Variants in EHBP1 observed in about 807,000 individuals in gnomAD.
EHBP1 encodes the protein EH domain binding protein 1.
EHBP1 carries 55 observed loss-of-function variants against 144.0 expected under a neutral mutation model. The observed-to-expected ratio is 0.38, with a 90% CI of 0.31 to 0.48. The LOEUF (loss-of-function observed/expected upper bound fraction) is 0.48, where lower values mean the gene tolerates loss of function less well. Among genes scored for constraint, EHBP1 ranks in the 20% least tolerant of loss-of-function variants. The pLI, the probability that EHBP1 is intolerant of heterozygous loss-of-function variation, is 0.98. For missense variants in EHBP1, 1,200 were observed against 1,364.2 expected (o/e 0.88, Z 1.90); for synonymous variants, 469 against 472.7 (o/e 0.99, Z 0.10).
chr2:62,892,991 T>C (rs1330133501), intron 10 of EHBP1, among the ~76,000 whole-genome samples: 1 of 152,160 alleles, frequency 6.6e-6, no homozygotes. Flanking sequence ...CAGCCTTCAC[T>C]TTGATAAACA....
chr2:62,990,647 A>G, intron 15 of EHBP1, 69 bp from the exon 16 acceptor site: 1 of 1,512,096 alleles, frequency 6.6e-7, no homozygotes, highest in South Asian at 1.2e-5. Context: ...CTGAGCTCAC[A>G]TAAAATTGAC....
At chr2:62,783,294 A>G (rs562588932) in intron 5 of EHBP1, among the ~76,000 whole-genome samples, 3 of 152,074 alleles carry the variant, frequency 2.0e-5, no homozygotes, top group East Asian at 3.9e-4. Context: ...GCACAGTGCA[A>G]CCTCTCAGTG....
At chr2:62,901,007 C>T (rs908920730) in intron 10 of EHBP1, among the ~76,000 whole-genome samples, 1 of 152,108 alleles carries the variant, frequency 6.6e-6, no homozygotes, top group African/African-American at 2.4e-5. Flanking sequence ...CTGTGAAGCT[C>T]ATTTAAAGTC....
intron 19 of EHBP1, among the ~76,000 whole-genome samples, chr2:63,023,330 A>G (rs976333120): frequency 6.6e-6 from 1 of 152,202 alleles, no homozygotes; most frequent in African/African-American, 2.4e-5. Context: ...GATTAATCAA[A>G]ATAGTGTGAT....
In EHBP1 at chr2:62,764,174, A is replaced by G. The variant is rs555700681; in HGVS notation, c.163-92A>G. On this transcript the variant is annotated intron_variant, in intron 3 of 22. Coordinates refer to ENST00000431489, the MANE Select transcript of EHBP1 (RefSeq NM_001142616.3). ...AAATTACTAACATTGCATTTCCTGTACTTCATATTGAAGGTATCATTTTAT... is the reference window on the plus strand; with the variant it reads ...AAATTACTAACATTGCATTTCCTGTGCTTCATATTGAAGGTATCATTTTAT... 6 of 887,404 alleles carry G rather than the reference A, an allele frequency of 6.8e-6. No homozygotes were observed. The East Asian group carries it at 8.6e-5, about 13-fold the overall frequency. 55.0% of individuals were successfully genotyped at this position (887,404 alleles called of 1,614,324 possible).
chr2:62,967,110 A>ATC (rs2058281050), intron 14 of EHBP1, among the ~76,000 whole-genome samples: 1 of 152,138 alleles, frequency 6.6e-6, no homozygotes, highest in Non-Finnish European at 1.5e-5. Flanking sequence ...AAATGCATTG[A>ATC]TCGTGGCATG....
At chr2:62,749,290 C>T (rs1309595665) in intron 3 of EHBP1, among the ~76,000 whole-genome samples, 1 of 152,216 alleles carries the variant, frequency 6.6e-6, no homozygotes, top group Admixed American at 6.5e-5. Context: ...CCAGCTTCAT[C>T]CATGTCCCTT....
intron 19 of EHBP1, among the ~76,000 whole-genome samples, chr2:63,010,213 C>T (rs997192390): frequency 8.6e-5 from 13 of 151,228 alleles, no homozygotes; most frequent in African/African-American, 3.2e-4. Flanking sequence ...TCTTAGAGAT[C>T]ATCTAGTATA....
chr2:62,739,969 C>A (rs984324908), intron 2 of EHBP1, among the ~76,000 whole-genome samples: 2 of 148,028 alleles, frequency 1.4e-5, no homozygotes, highest in Admixed American at 6.8e-5. Context: ...ATTATAAATT[C>A]TTTATACTGT....
At chr2:62,850,953 C>T (rs1236440292) in intron 7 of EHBP1, among the ~76,000 whole-genome samples, 2 of 152,112 alleles carry the variant, frequency 1.3e-5, no homozygotes, top group African/African-American at 4.8e-5. Flanking sequence ...GAAGTTTCAC[C>T]AACTGTCTAA....
chr2:62,728,831 C>CTTAG (rs1558561170), intron 2 of EHBP1, among the ~76,000 whole-genome samples: 6 of 151,220 alleles, frequency 4.0e-5, no homozygotes, highest in Admixed American at 4.0e-4. Context: ...TTTGCCTAAC[C>CTTAG]CAAAGTCACA....
intron 7 of EHBP1, among the ~76,000 whole-genome samples, chr2:62,834,472 C>T (rs1002544700): frequency 6.6e-6 from 1 of 152,132 alleles, no homozygotes; most frequent in Non-Finnish European, 1.5e-5. Context: ...CCACCAACAC[C>T]AAAAAGATTA....
chr2:62,911,104 C>T (rs1379433309), intron 10 of EHBP1, among the ~76,000 whole-genome samples: 1 of 152,050 alleles, frequency 6.6e-6, no homozygotes, highest in African/African-American at 2.4e-5. Flanking sequence ...ATTTAAAATA[C>T]GTGCTAATCT....
chr2:62,868,627 A>G (rs923455432), intron 9 of EHBP1, among the ~76,000 whole-genome samples: 1 of 149,320 alleles, frequency 6.7e-6, no homozygotes, highest in African/African-American at 2.5e-5. Flanking sequence ...TATCCAGAAT[A>G]TGTAAAGAAC....
Position 62,972,071 on chromosome 2 carries a change from G to A in EHBP1, c.2461-7117G>A, listed in dbSNP as rs2058525212. 4.6e-5 allele frequency among the ~76,000 whole-genome samples: 7 copies of A among 152,132 alleles called. 2 individuals carry two copies. The highest frequency in any genetic ancestry group is 4.6e-4 in the Admixed American group (7 of 15,272). On this transcript the variant is annotated intron_variant, in intron 14 of 22. Coordinates refer to ENST00000431489, the MANE Select transcript of EHBP1 (RefSeq NM_001142616.3). ...TTTTTGAAGTATACTTATCTTTTAA[G>A]TAACAGCAGTTTTCTAAGTTGCCTT...
intron 2 of EHBP1, among the ~76,000 whole-genome samples, chr2:62,738,747 T>A (rs1044834947): frequency 6.6e-6 from 1 of 152,214 alleles, no homozygotes; most frequent in Admixed American, 6.5e-5. Flanking sequence ...CAACTCTGCA[T>A]TTTTTGCTCA....
At chr2:62,846,098 C>G (rs2048280551) in intron 7 of EHBP1, among the ~76,000 whole-genome samples, 1 of 152,174 alleles carries the variant, frequency 6.6e-6, no homozygotes, top group African/African-American at 2.4e-5. Flanking sequence ...AAAACACAGA[C>G]TATAAATTCA....
chr2:62,916,014 G>A (rs954564481), intron 10 of EHBP1, among the ~76,000 whole-genome samples: 2 of 152,074 alleles, frequency 1.3e-5, no homozygotes, highest in African/African-American at 4.8e-5. Context: ...GTAGATGAAA[G>A]CATTACAGCA....
chr2:62,988,663 G>C (rs895457255), intron 15 of EHBP1, among the ~76,000 whole-genome samples: 2 of 152,098 alleles, frequency 1.3e-5, no homozygotes, highest in African/African-American at 4.8e-5. Flanking sequence ...TTTAATAGGT[G>C]AATGTTCCAA....
Sources: allele counts gnomAD v4.1 joint callset (sites outside exome capture counted in the v4.1 genomes callset), GRCh38; gene constraint gnomAD v4.1.1; transcripts MANE v1.5; gene names NCBI Gene and HGNC (gene_info 2026-07-23, HGNC 2026-07-21).